Variants in SLC14A2 observed in about 807,000 individuals in gnomAD.
SLC14A2 encodes solute carrier family 14 member 2, also known as urea transporter 2.
A neutral mutation model predicts 104.6 loss-of-function variants in SLC14A2; 91 were observed. The observed-to-expected ratio is 0.87, with a 90% CI of 0.73 to 1.04. The LOEUF is 1.04. Among genes scored for constraint, SLC14A2 ranks in the 50% least tolerant of loss-of-function variants. The pLI, the probability that SLC14A2 is intolerant of heterozygous loss-of-function variation, is 0.00. For missense variants in SLC14A2, 1,189 were observed against 1,156.0 expected, an observed-to-expected ratio of 1.03 and a Z score of -0.41; for synonymous variants, 476 against 466.4, an observed-to-expected ratio of 1.02 and a Z score of -0.27.
chr18:45,639,903 A>G lies in SLC14A2; in HGVS notation c.991+10A>G. 1 of 1,611,688 alleles carries G rather than the reference A, an allele frequency of 6.2e-7. No individual in the cohort carries two copies. The highest frequency in any genetic ancestry group is 8.5e-7 in the Non-Finnish European group (1 of 1,179,310). On this transcript the variant is annotated intron_variant, in intron 7 of 19. Coordinates refer to ENST00000255226, the MANE Select transcript of SLC14A2 (RefSeq NM_007163.4). ...GTGGGGCTGCTAGCAGGTAGGACAG[A>G]GCTCCCTCTCTTCAGGTCCTCAGGA...
At chr18:45,456,221 C>T (rs1011364987) in intron 1 of SLC14A2, among the ~76,000 whole-genome samples, 2 of 152,130 alleles carry the variant, frequency 1.3e-5, no homozygotes, top group African/African-American at 4.8e-5. Context: ...CTGTTCAGAA[C>T]CACAGGGCTA....
intron 10 of SLC14A2, among the ~76,000 whole-genome samples, chr18:45,658,460 A>G (rs35374114): frequency 0.28 from 42,470 of 151,930 alleles, 6,993 homozygotes; most frequent in Middle Eastern, 0.4. Flanking sequence ...TCACACCTGT[A>G]GTCCCAGCTA....
At chr18:45,288,299 A>G (rs1239653102) in intron 1 of SLC14A2, among the ~76,000 whole-genome samples, 1 of 152,214 alleles carries the variant, frequency 6.6e-6, no homozygotes, top group Non-Finnish European at 1.5e-5. Flanking sequence ...CTTCAGGATC[A>G]GTTCTATATG....
intron 1 of SLC14A2, among the ~76,000 whole-genome samples, chr18:45,426,855 G>A (rs2086440643): frequency 6.6e-6 from 1 of 152,042 alleles, no homozygotes; most frequent in Non-Finnish European, 1.5e-5. Context: ...ATGTGAGTGT[G>A]TGTTAGGAAG....
intron 1 of SLC14A2, among the ~76,000 whole-genome samples, chr18:45,377,721 C>T (rs1468300176): frequency 6.6e-6 from 1 of 152,184 alleles, no homozygotes; most frequent in Non-Finnish European, 1.5e-5. Context: ...TCCAATCCAT[C>T]CCAAACTTCC....
At chr18:45,599,323 C>T (rs2044756325) in intron 2 of SLC14A2, among the ~76,000 whole-genome samples, 1 of 152,188 alleles carries the variant, frequency 6.6e-6, no homozygotes, top group Non-Finnish European at 1.5e-5. Context: ...AATTCATTAT[C>T]CTGCTGGCAA....
At chr18:45,594,055 G>A (rs1240851362) in intron 2 of SLC14A2, among the ~76,000 whole-genome samples, 1 of 152,164 alleles carries the variant, frequency 6.6e-6, no homozygotes, top group Admixed American at 6.5e-5. Flanking sequence ...GTTTAGTGCT[G>A]CTTACTTTTT....
At chr18:45,326,331 C>T (rs1425855215) in intron 1 of SLC14A2, among the ~76,000 whole-genome samples, 1 of 152,032 alleles carries the variant, frequency 6.6e-6, no homozygotes, top group African/African-American at 2.4e-5. Flanking sequence ...AAATGATTCC[C>T]TTTTTCTCTT....
At chr18:45,227,456 A>G (rs1212709860) in intron 1 of SLC14A2, among the ~76,000 whole-genome samples, 1 of 152,226 alleles carries the variant, frequency 6.6e-6, no homozygotes, top group Non-Finnish European at 1.5e-5. Flanking sequence ...AGATCAAGGC[A>G]CCAGCATTTG....
chr18:45,475,603 T>TTATATATATATTTAGGATATATA (rs765885028), intron 1 of SLC14A2, among the ~76,000 whole-genome samples: 1 of 105,832 alleles, frequency 9.4e-6, no homozygotes, highest in African/African-American at 3.5e-5. Flanking sequence ...TATGTTTAGG[T>TTATATATATATTTAGGATATATA]TATATATATA....
At chr18:45,281,906 A>G (rs560176202) in intron 1 of SLC14A2, among the ~76,000 whole-genome samples, 2 of 152,218 alleles carry the variant, frequency 1.3e-5, no homozygotes, top group African/African-American at 4.8e-5. Flanking sequence ...TCAGTCTCTC[A>G]CCTGCCTGAG....
intron 1 of SLC14A2, among the ~76,000 whole-genome samples, chr18:45,351,772 T>A (rs530471618): frequency 6.6e-6 from 1 of 152,040 alleles, no homozygotes; most frequent in African/African-American, 2.4e-5. Flanking sequence ...ACAACCTACA[T>A]GGAGAGATGA....
chr18:45,301,957 T>C (rs1236475502), intron 1 of SLC14A2, among the ~76,000 whole-genome samples: 1 of 152,170 alleles, frequency 6.6e-6, no homozygotes, highest in African/African-American at 2.4e-5. Flanking sequence ...CACCCTAGAG[T>C]CACCTGTCTT....
intron 1 of SLC14A2, among the ~76,000 whole-genome samples, chr18:45,327,830 G>A (rs1359273522): frequency 6.6e-6 from 1 of 152,130 alleles, no homozygotes; most frequent in Non-Finnish European, 1.5e-5. Context: ...CTAAATTATA[G>A]GGGTAGGAGT....
intron 1 of SLC14A2, among the ~76,000 whole-genome samples, chr18:45,424,909 G>T (rs1398601795): frequency 1.3e-5 from 2 of 152,190 alleles, no homozygotes; most frequent in Non-Finnish European, 2.9e-5. Flanking sequence ...CCTGCTGAAG[G>T]CCTGTCAGTT....
chr18:45,615,833 G>C (rs1300097899), intron 1 of SLC14A2, among the ~76,000 whole-genome samples: 1 of 146,830 alleles, frequency 6.8e-6, no homozygotes, highest in African/African-American at 2.6e-5. Context: ...GTGTGTGTGT[G>C]TGTGAGAGAG....
intron 10 of SLC14A2, among the ~76,000 whole-genome samples, chr18:45,650,931 G>C (rs2045726674): frequency 6.6e-6 from 1 of 152,014 alleles, no homozygotes; most frequent in Non-Finnish European, 1.5e-5. Context: ...CAAAGATGGG[G>C]TTTCACCATG....
chr18:45,595,904 A>G (rs2144399800), intron 2 of SLC14A2, among the ~76,000 whole-genome samples: 1 of 152,314 alleles, frequency 6.6e-6, no homozygotes, highest in East Asian at 1.9e-4. Context: ...GTGTTCATTG[A>G]GGAGGGTCCC....
At chr18:45,227,580 C>T (rs1267698771) in intron 1 of SLC14A2, among the ~76,000 whole-genome samples, 1 of 152,212 alleles carries the variant, frequency 6.6e-6, no homozygotes, top group African/African-American at 2.4e-5. Context: ...GAGGAGCCCT[C>T]CTGGCCTGAT....
Sources: allele counts gnomAD v4.1 joint callset (sites outside exome capture counted in the v4.1 genomes callset), GRCh38; gene constraint gnomAD v4.1.1; transcripts MANE v1.5; gene names NCBI Gene and HGNC (gene_info 2026-07-23, HGNC 2026-07-21).